Variants in ERGIC3 observed in about 807,000 individuals in gnomAD.
The protein encoded by ERGIC3 is ERGIC and golgi 3, also known as endoplasmic reticulum-Golgi intermediate compartment protein 3.
ERGIC3 carries 33 observed loss-of-function variants against 54.7 expected under a neutral mutation model. The ratio of observed to expected loss-of-function variants is 0.60; its 90% CI spans 0.46 to 0.81. The LOEUF (loss-of-function observed/expected upper bound fraction) is 0.81. Ranked by LOEUF, ERGIC3 falls within the 30% of genes least tolerant of loss-of-function variation. The pLI is 0.00. For missense variants in ERGIC3, 399 were observed against 488.4 expected (o/e 0.82, Z 1.73); for synonymous variants, 186 against 189.8 (o/e 0.98, Z 0.16).
In ERGIC3 at chr20:35,542,308, C is replaced by A; in HGVS notation, c.89-15C>A. 1 of 1,614,084 alleles carries A rather than the reference C, an allele frequency of 6.2e-7. No homozygotes were observed. Among genetic ancestry groups the A allele is most frequent in the Non-Finnish European group, 8.5e-7 (1 of 1,180,020 alleles). ...GGATTCGAGGCCATTCTGACCCTCGCCCCTTGTCCTGCAGTGACCATTGTC... is the reference window on the plus strand; with the variant it reads ...GGATTCGAGGCCATTCTGACCCTCGACCCTTGTCCTGCAGTGACCATTGTC... On this transcript the variant is annotated splice_polypyrimidine_tract_variant and intron_variant, in intron 1 of 12. Transcript: ENST00000348547.
At chr20:35,543,630 T>TG (rs1318814417) in intron 4 of ERGIC3, 1 of 471,204 alleles carries the variant, frequency 2.1e-6, no homozygotes, top group Non-Finnish European at 4.4e-6. Flanking sequence ...ATTACTCTGG[T>TG]GGGGAGTTTT....
At chr20:35,546,041 ACCAAGAGGTGTC>A in intron 4 of ERGIC3, among the ~76,000 whole-genome samples, 1 of 152,344 alleles carries the variant, frequency 6.6e-6, no homozygotes, top group Non-Finnish European at 1.5e-5. Context: ...ACGTAGAAGA[ACCAAGAGGTGTC>A]CCAAAAGCCA....
chr20:35,554,401 C>A, intron 7 of ERGIC3: 1 of 1,614,096 alleles, frequency 6.2e-7, no homozygotes, highest in Non-Finnish European at 8.5e-7. Flanking sequence ...GTGGCCCTGC[C>A]CCCATGGAGG....
intron 7 of ERGIC3, among the ~76,000 whole-genome samples, chr20:35,551,206 A>G (rs1463431783): frequency 6.6e-6 from 1 of 151,942 alleles, no homozygotes; most frequent in Non-Finnish European, 1.5e-5. Context: ...AGGTAGGAGA[A>G]TTGCTTGAAC....
At position 35,552,175 on chromosome 20, in the gene ERGIC3, G is replaced by T. The variant is rs35005239; in HGVS notation, c.686-2869G>T. Among the ~76,000 whole-genome samples the T allele has an allele frequency of 6.6e-5, 10 of 152,312 alleles. No homozygotes were observed. In the East Asian group the frequency reaches 1.9e-3, roughly 29 times the overall value. On this transcript the variant is annotated intron_variant, in intron 7 of 12. Transcript: ENST00000348547. ...GTAGGTACAGGTAGGGTGGTAGCTG[G>T]TGTGGCAGAAGTACATGGAGAGTCT...
At chr20:35,555,137 A>G (rs2064704126) in intron 8 of ERGIC3, 62 bp downstream of exon 8, 3 of 1,587,540 alleles carry the variant, frequency 1.9e-6, no homozygotes, top group Non-Finnish European at 2.6e-6. Context: ...TGCTGCCTTC[A>G]TTTCCTTGTA....
intron 10 of ERGIC3, 82 bp from the exon 11 acceptor site, chr20:35,556,891 G>GGGAA (rs2064716282): frequency 1.3e-6 from 2 of 1,588,308 alleles, no homozygotes; most frequent in Middle Eastern, 3.3e-4. Context: ...AACAGGAAAG[G>GGGAA]GGAAGGAGCA....
intron 10 of ERGIC3, 102 bp downstream of exon 10, chr20:35,556,373 T>C (rs1031422846): frequency 1.2e-5 from 15 of 1,241,876 alleles, no homozygotes; most frequent in African/African-American, 1.5e-5. Flanking sequence ...TGCCTCGTCC[T>C]CACATGGCGA....
intron 8 of ERGIC3, among the ~76,000 whole-genome samples, chr20:35,555,812 CAAAAAA>C (rs60761936): frequency 1.2e-5 from 1 of 80,596 alleles, no homozygotes. Flanking sequence ...GACCTTGTCT[CAAAAAA>C]AAAAAAAAAA....
chr20:35,547,602 C>A, intron 5 of ERGIC3, 97 bp downstream of exon 5: 1 of 1,112,204 alleles, frequency 9.0e-7, no homozygotes, highest in Non-Finnish European at 1.3e-6. Flanking sequence ...GAGGTCAGAC[C>A]AAGAATCTAG....
intron 7 of ERGIC3, 106 bp from the exon 8 acceptor site, chr20:35,554,938 A>C (rs146411853): frequency 7.6e-7 from 1 of 1,322,816 alleles, no homozygotes; most frequent in Non-Finnish European, 1.1e-6. Flanking sequence ...AGAAGGAATG[A>C]GGGGCAGAGA....
intron 7 of ERGIC3, among the ~76,000 whole-genome samples, chr20:35,551,983 A>T (rs2064684317): frequency 6.6e-6 from 1 of 152,202 alleles, no homozygotes; most frequent in African/African-American, 2.4e-5. Flanking sequence ...GTGATGTAGC[A>T]GAATGTTAAT....
At chr20:35,553,437 A>G (rs953741244) in intron 7 of ERGIC3, among the ~76,000 whole-genome samples, 14 of 152,084 alleles carry the variant, frequency 9.2e-5, no homozygotes, top group African/African-American at 3.4e-4. Context: ...TGAAAGGAAG[A>G]GCCAGGCTGA....
chr20:35,553,254 C>A (rs2064692130), intron 7 of ERGIC3, among the ~76,000 whole-genome samples: 1 of 150,532 alleles, frequency 6.6e-6, no homozygotes. Context: ...GCTTGGCCCC[C>A]CAAAATGTTG....
At chr20:35,556,632 T>G in intron 10 of ERGIC3, 1 of 490,334 alleles carries the variant, frequency 2.0e-6, no homozygotes, top group Non-Finnish European at 3.7e-6. Context: ...CTCAGCAGAG[T>G]GGCAGGATGC....
chr20:35,545,389 C>G (rs1254251510), intron 4 of ERGIC3: 1 of 150,640 alleles, frequency 6.6e-6, no homozygotes, highest in Non-Finnish European at 1.5e-5. Context: ...AAAACCCCAT[C>G]TCTACTAAAA....
At chr20:35,543,751 C>T (rs535440348) in intron 4 of ERGIC3, 6 of 467,106 alleles carry the variant, frequency 1.3e-5, no homozygotes, top group African/African-American at 8.0e-5. Flanking sequence ...TTGATTCCAA[C>T]GCTTTCAGCC....
At chr20:35,556,554 C>A (rs1358218694) in intron 10 of ERGIC3, 2 of 519,994 alleles carry the variant, frequency 3.8e-6, no homozygotes, top group Non-Finnish European at 6.9e-6. Context: ...TCTGCCTGGG[C>A]TGGGGGTTAG....
intron 7 of ERGIC3, among the ~76,000 whole-genome samples, chr20:35,550,693 C>T (rs1373319613): frequency 6.6e-6 from 1 of 152,104 alleles, no homozygotes; most frequent in Non-Finnish European, 1.5e-5. Flanking sequence ...GGACTCGGGC[C>T]GTTACTCTGC....
Sources: allele counts gnomAD v4.1 joint callset (sites outside exome capture counted in the v4.1 genomes callset), GRCh38; gene constraint gnomAD v4.1.1; transcripts MANE v1.5; gene names NCBI Gene and HGNC (gene_info 2026-07-23, HGNC 2026-07-21).